Variants in ABR observed in about 807,000 individuals in gnomAD.
ABR encodes ABR activator of RhoGEF and GTPase.
A neutral mutation model predicts 107.2 loss-of-function variants in ABR; 35 were observed. That is an observed-to-expected ratio of 0.33 (90% CI 0.25 to 0.43). The LOEUF (loss-of-function observed/expected upper bound fraction) is 0.43. ABR is among the 20% of genes least tolerant of loss of function. ABR has a pLI of 1.00. For synonymous variants in ABR, 498 were observed against 462.0 expected, an observed-to-expected ratio of 1.08 and a Z score of -1.00; for missense variants, 815 against 1,115.2, an observed-to-expected ratio of 0.73 and a Z score of 3.83.
chr17:1,091,400 T>C (rs966850579), intron 4 of ABR, among the ~76,000 whole-genome samples: 1 of 152,016 alleles, frequency 6.6e-6, no homozygotes, highest in Non-Finnish European at 1.5e-5. Context: ...ACAGCCCATC[T>C]CCACCACCCC....
chr17:1,121,908 C>A (rs1261702570), intron 2 of ABR, among the ~76,000 whole-genome samples: 1 of 152,134 alleles, frequency 6.6e-6, no homozygotes, highest in Non-Finnish European at 1.5e-5. Flanking sequence ...AGTAGATTTT[C>A]TTTTATTTTC....
chr17:1,013,231 G>T, intron 16 of ABR, 67 bp from the exon 17 acceptor site: 1 of 1,465,592 alleles, frequency 6.8e-7, no homozygotes, highest in Non-Finnish European at 9.6e-7. Flanking sequence ...CTCCCCGTGG[G>T]TCAGCACTGC....
intron 1 of ABR, among the ~76,000 whole-genome samples, chr17:1,203,620 C>T (rs1336849371): frequency 6.9e-6 from 1 of 144,340 alleles, no homozygotes; most frequent in Non-Finnish European, 1.5e-5. Context: ...CACCGCCCGC[C>T]GCCGCTGCGA....
chr17:1,193,650 G>A (rs1257458835), intron 1 of ABR, among the ~76,000 whole-genome samples: 1 of 152,110 alleles, frequency 6.6e-6, no homozygotes, highest in African/African-American at 2.4e-5. Flanking sequence ...GGCAACTGAC[G>A]CTAATTCAAG....
At chr17:1,133,242 C>CA (rs1567808805) in intron 1 of ABR, among the ~76,000 whole-genome samples, 27 of 104,884 alleles carry the variant, frequency 2.6e-4, no homozygotes, top group Non-Finnish European at 1.1e-4. Flanking sequence ...AACTCCGTCT[C>CA]GAAAAAAAAA....
At chr17:1,023,581 GA>G (rs1470084085) in intron 16 of ABR, among the ~76,000 whole-genome samples, 4 of 152,234 alleles carry the variant, frequency 2.6e-5, no homozygotes, top group African/African-American at 9.6e-5. Flanking sequence ...GTCCTGAAAG[GA>G]AAGGGGCGCC....
intron 18 of ABR, 151 bp from the exon 19 acceptor site, chr17:1,012,136 A>G (rs1463884740): frequency 8.2e-7 from 1 of 1,224,930 alleles, no homozygotes; most frequent in African/African-American, 1.5e-5. Flanking sequence ...GAAAGAGGCC[A>G]CCGCACCCCA....
At position 1,037,270 on chromosome 17, in the gene ABR, C is replaced by T. The variant is rs1294044101; in HGVS notation, c.1791+12780G>A. Among the ~76,000 whole-genome samples, 1 of 152,252 alleles carries T rather than the reference C, an allele frequency of 6.6e-6. No homozygotes were observed. The highest frequency in any genetic ancestry group is 1.9e-4 in the East Asian group (1 of 5,192). On this transcript the variant is annotated intron_variant, in intron 16 of 22. Coordinates refer to ENST00000302538, the MANE Select transcript of ABR (RefSeq NM_021962.5). This position sits in a 1 kb window ranked among gnomAD's most constrained non-coding sequence, Gnocchi z 4.6. Reference sequence around the variant, plus strand: ...AAGGTAACCTGCTGTCCTCCCAACTCCCCAAAGGCCTGTGCCGGCTCATAG... The same window carrying T: ...AAGGTAACCTGCTGTCCTCCCAACTTCCCAAAGGCCTGTGCCGGCTCATAG...
rs930738380 is a variant in ABR, at chr17:1,092,964, C to T, written c.346-1114G>A. On this transcript the variant is annotated intron_variant, in intron 3 of 22. Transcript: ENST00000302538. The surrounding 1 kb of genome is among the most constrained non-coding windows in gnomAD (Gnocchi z 4.6). ...CCTCCCAAGTAACAGGGACTACAGGCGCCCGCCACCACGCCTGGCTAATTT... is the reference window on the plus strand; with the variant it reads ...CCTCCCAAGTAACAGGGACTACAGGTGCCCGCCACCACGCCTGGCTAATTT... Among the ~76,000 whole-genome samples, 12 of 150,746 alleles carry T rather than the reference C, an allele frequency of 8.0e-5. No homozygotes were observed. The highest frequency in any genetic ancestry group is 2.1e-4 in the South Asian group (1 of 4,708).
intron 1 of ABR, among the ~76,000 whole-genome samples, chr17:1,196,755 C>T (rs1036286640): frequency 2.0e-5 from 3 of 150,198 alleles, no homozygotes; most frequent in East Asian, 2.0e-4. Flanking sequence ...AGTGCAGTGG[C>T]GCGATCCTGG....
rs562983240 is a variant in ABR at position 1,211,072 on chromosome 17, G to GT, written c.838+17720dup. On this transcript the variant is annotated intron_variant, in intron 1 of 22. Coordinates refer to the ABR transcript ENST00000574139. ...AGGCGGACGGATCATGAGGTCAGGA[G>GT]TTTGAGACCAGCCTGTCCAATATGG... 4.6e-5 allele frequency among the ~76,000 whole-genome samples: 7 copies of GT among 152,282 alleles called. No homozygotes were observed. In the South Asian group the frequency reaches 1.4e-3, roughly 32 times the overall value.
intron 11 of ABR, 146 bp downstream of exon 11, chr17:1,058,599 C>T (rs112127362): frequency 3.1e-5 from 34 of 1,090,518 alleles, no homozygotes; most frequent in Middle Eastern, 3.1e-4. Flanking sequence ...GAGGGGAGAG[C>T]GAGTCAACAG....
chr17:1,177,718 C>G (rs2041964585), intron 1 of ABR, among the ~76,000 whole-genome samples: 1 of 152,170 alleles, frequency 6.6e-6, no homozygotes, highest in Non-Finnish European at 1.5e-5. Flanking sequence ...TTGCAAAGAG[C>G]CAGAAACACT....
At chr17:1,030,710 G>C (rs1015814699) in intron 16 of ABR, among the ~76,000 whole-genome samples, 2 of 152,244 alleles carry the variant, frequency 1.3e-5, no homozygotes, top group African/African-American at 4.8e-5. Context: ...GTAAGAGCCT[G>C]CAGAGAGGTC....
chr17:1,044,785 C>A (rs1439352564), intron 16 of ABR, among the ~76,000 whole-genome samples: 1 of 152,292 alleles, frequency 6.6e-6, no homozygotes, highest in Non-Finnish European at 1.5e-5. Context: ...CCTCCCTTCA[C>A]ATTCGTGCCT....
intron 16 of ABR, among the ~76,000 whole-genome samples, chr17:1,044,053 C>T (rs1242465749): frequency 6.6e-6 from 1 of 152,232 alleles, no homozygotes; most frequent in East Asian, 1.9e-4. Context: ...CAAGAAGGGC[C>T]GGACCCTGGG....
chr17:1,075,686 T>TC (rs1238268170), intron 6 of ABR, among the ~76,000 whole-genome samples: 1 of 152,260 alleles, frequency 6.6e-6, no homozygotes. Flanking sequence ...GAATGTATAA[T>TC]AATGGTTGAA....
At chr17:1,221,406 C>T (rs1271842954) in intron 1 of ABR, among the ~76,000 whole-genome samples, 4 of 152,198 alleles carry the variant, frequency 2.6e-5, no homozygotes, top group South Asian at 2.1e-4. Flanking sequence ...GCAGCTATTT[C>T]GGACCAGGAG....
At chr17:1,207,649 CAAA>C (rs376092819) in intron 1 of ABR, among the ~76,000 whole-genome samples, 4 of 86,144 alleles carry the variant, frequency 4.6e-5, no homozygotes, top group Non-Finnish European at 2.3e-5. Flanking sequence ...AACTCCGTCT[CAAA>C]AAAAAAAAAA....
Sources: gnomAD v4.1 joint callset for allele counts (sites outside exome capture counted in the v4.1 genomes callset) on GRCh38, gnomAD v4.1.1 for gene constraint, Gnocchi (gnomAD v3.1) non-coding constraint, MANE v1.5 for transcripts, NCBI Gene and HGNC (gene_info 2026-07-23, HGNC 2026-07-21) for gene names.